The following ST6GALNAC3 variants were observed in gnomAD, a reference collection of about 807,000 sequenced individuals.
ST6GALNAC3 encodes the protein alpha-N-acetylgalactosaminide alpha-2,6-sialyltransferase 3.
Under a neutral mutation model 32.7 loss-of-function variants are expected in ST6GALNAC3, and 25 were observed. That is an observed-to-expected ratio of 0.76 (90% CI 0.56 to 1.07). The LOEUF is 1.07. ST6GALNAC3 is among the 50% of genes least tolerant of loss of function. The pLI is 0.00. For missense variants in ST6GALNAC3, 355 were observed against 382.4 expected, an observed-to-expected ratio of 0.93 and a Z score of 0.60; for synonymous variants, 129 against 133.1, an observed-to-expected ratio of 0.97 and a Z score of 0.21.
In ST6GALNAC3 at chr1:76,412,143, G is replaced by A. The variant is rs1474425982; in HGVS notation, c.349G>A (p.Glu117Lys). Residue 117 changes from glutamate (E) to lysine (K), a missense_variant, in exon 3 of 5, where the codon GAA becomes AAA. Coordinates refer to ENST00000328299, the MANE Select transcript of ST6GALNAC3 (RefSeq NM_152996.4). The stretch of plus-strand genomic sequence containing the variant: ...CAATGCCCCCACCAAAGGTTATGAA[G>A]AAGATGTCGGCCGCATGACCATGAT... The part of the protein sequence containing the change: ...MNNAPTKGYE[E>K]DVGRMTMIRV... The A allele has an allele frequency of 4.3e-6, 7 of 1,613,768 alleles. No homozygotes were observed. The highest frequency in any genetic ancestry group is 5.9e-6 in the Non-Finnish European group (7 of 1,179,822).
intron 3 of ST6GALNAC3, among the ~76,000 whole-genome samples, chr1:76,445,146 A>G (rs1445303786): frequency 6.6e-6 from 1 of 152,136 alleles, no homozygotes; most frequent in Non-Finnish European, 1.5e-5. Flanking sequence ...ACTGAGAACC[A>G]CTTACGATGC....
Position 76,543,657 on chromosome 1 carries a change from C to T in ST6GALNAC3, c.624-83795C>T, listed in dbSNP as rs911688904. On this transcript the variant is annotated intron_variant, in intron 3 of 4. Transcript: ENST00000328299. ...CTAAAATTAGACAAAGAAACTTCTCCATCTCAGAGAGCAGAGAACTCGCCC... is the reference window on the plus strand; with the variant it reads ...CTAAAATTAGACAAAGAAACTTCTCTATCTCAGAGAGCAGAGAACTCGCCC... 3.3e-5 allele frequency among the ~76,000 whole-genome samples: 5 copies of T among 152,234 alleles called. No homozygotes were observed. The East Asian group carries it at 5.8e-4, about 18-fold the overall frequency.
At chr1:76,363,070 A>G (rs1650093771) in intron 2 of ST6GALNAC3, among the ~76,000 whole-genome samples, 1 of 152,224 alleles carries the variant, frequency 6.6e-6, no homozygotes, top group African/African-American at 2.4e-5. Flanking sequence ...TTCTTCCTAG[A>G]CATCCAGGCT....
intron 1 of ST6GALNAC3, among the ~76,000 whole-genome samples, chr1:76,309,447 C>T (rs985865644): frequency 1.3e-5 from 2 of 152,156 alleles, no homozygotes; most frequent in Non-Finnish European, 2.9e-5. Context: ...GACACACACA[C>T]ATTCTCATTG....
At chr1:76,508,185 C>T (rs931971112) in intron 3 of ST6GALNAC3, among the ~76,000 whole-genome samples, 2 of 152,094 alleles carry the variant, frequency 1.3e-5, no homozygotes, top group African/African-American at 4.8e-5. Flanking sequence ...TGGGGGATAG[C>T]GTTAGATTCT....
intron 2 of ST6GALNAC3, among the ~76,000 whole-genome samples, chr1:76,315,367 A>G (rs1014639008): frequency 2.6e-5 from 4 of 152,140 alleles, no homozygotes; most frequent in Admixed American, 1.3e-4. Context: ...ACATGTGACT[A>G]AAATGTCTCA....
chr1:76,392,871 G>A (rs997791845), intron 2 of ST6GALNAC3, among the ~76,000 whole-genome samples: 3 of 152,176 alleles, frequency 2.0e-5, no homozygotes, highest in Non-Finnish European at 2.9e-5. Flanking sequence ...CATTCAAAGC[G>A]TCACTGCAAA....
At chr1:76,177,393 C>T (rs971032314) in intron 1 of ST6GALNAC3, among the ~76,000 whole-genome samples, 2 of 151,984 alleles carry the variant, frequency 1.3e-5, no homozygotes, top group Non-Finnish European at 2.9e-5. Flanking sequence ...TGCATTTTCT[C>T]CAAAATGTAC....
At position 76,101,177 on chromosome 1, in the gene ST6GALNAC3, G is replaced by A. The variant is rs892106368; in HGVS notation, c.18+26293G>A. Among the ~76,000 whole-genome samples the A allele has an allele frequency of 6.6e-5, 10 of 152,026 alleles. No homozygotes were observed. The East Asian group carries it at 9.6e-4, about 15-fold the overall frequency. On this transcript the variant is annotated intron_variant, in intron 1 of 4. Coordinates refer to ENST00000328299, the MANE Select transcript of ST6GALNAC3 (RefSeq NM_152996.4). Reference sequence around the variant, plus strand: ...TGCCTATCCATCCCTCCCTTCTACCGTAACCCCTGGAAACCACTGACCTTT... The same window carrying A: ...TGCCTATCCATCCCTCCCTTCTACCATAACCCCTGGAAACCACTGACCTTT...
chr1:76,130,427 CA>C (rs1293309325), intron 1 of ST6GALNAC3, among the ~76,000 whole-genome samples: 1 of 152,180 alleles, frequency 6.6e-6, no homozygotes, highest in African/African-American at 2.4e-5. Context: ...TGGACTCCAT[CA>C]ACTCATTTTG....
intron 3 of ST6GALNAC3, among the ~76,000 whole-genome samples, chr1:76,515,034 T>C (rs1662090866): frequency 6.6e-6 from 1 of 152,272 alleles, no homozygotes; most frequent in South Asian, 2.1e-4. Context: ...CTCATAAAAT[T>C]AGTTTGGAAG....
At chr1:76,100,860 CA>C (rs536156871) in intron 1 of ST6GALNAC3, among the ~76,000 whole-genome samples, 4 of 150,476 alleles carry the variant, frequency 2.7e-5, no homozygotes, top group South Asian at 2.1e-4. Context: ...TTTTAATGGA[CA>C]TTTTTTTAAT....
At chr1:76,349,275 C>G (rs1348279526) in intron 2 of ST6GALNAC3, among the ~76,000 whole-genome samples, 1 of 152,154 alleles carries the variant, frequency 6.6e-6, no homozygotes, top group East Asian at 1.9e-4. Context: ...GTGTCCATGA[C>G]TGTTGAACAC....
intron 2 of ST6GALNAC3, among the ~76,000 whole-genome samples, chr1:76,326,632 A>G (rs1020722074): frequency 1.3e-5 from 2 of 152,092 alleles, no homozygotes; most frequent in African/African-American, 4.8e-5. Flanking sequence ...TTCCTGTGGT[A>G]TCTAGTAGGA....
intron 1 of ST6GALNAC3, among the ~76,000 whole-genome samples, chr1:76,213,901 G>A (rs1208168770): frequency 2.6e-5 from 4 of 152,280 alleles, no homozygotes; most frequent in Admixed American, 6.5e-5. Context: ...TGAATTCCAC[G>A]TATGACCACT....
chr1:76,324,388 T>A (rs1435109540), intron 2 of ST6GALNAC3, among the ~76,000 whole-genome samples: 1 of 152,180 alleles, frequency 6.6e-6, no homozygotes, highest in Non-Finnish European at 1.5e-5. Context: ...AAACACTATC[T>A]CAGCTAAGTG....
At chr1:76,256,228 A>G (rs563510927) in intron 1 of ST6GALNAC3, among the ~76,000 whole-genome samples, 2 of 152,316 alleles carry the variant, frequency 1.3e-5, no homozygotes, top group African/African-American at 4.8e-5. Flanking sequence ...GAAGAAAAGA[A>G]AAGTAATGGT....
chr1:76,331,826 A>G (rs1225309330), intron 2 of ST6GALNAC3, among the ~76,000 whole-genome samples: 1 of 152,204 alleles, frequency 6.6e-6, no homozygotes, highest in African/African-American at 2.4e-5. Context: ...GTAGTAGCTC[A>G]AGAATTGCTA....
chr1:76,553,931 G>C (rs1243093218), intron 3 of ST6GALNAC3, among the ~76,000 whole-genome samples: 2 of 152,098 alleles, frequency 1.3e-5, no homozygotes, highest in East Asian at 3.9e-4. Context: ...TGAAATTACT[G>C]TACCAAAAGC....
Sources: allele counts gnomAD v4.1 joint callset (sites outside exome capture counted in the v4.1 genomes callset), GRCh38; gene constraint gnomAD v4.1.1; transcripts MANE v1.5; gene names NCBI Gene and HGNC (gene_info 2026-07-23, HGNC 2026-07-21).